The following SGCD variants were observed in gnomAD, a reference collection of about 807,000 sequenced individuals.
The protein encoded by SGCD is sarcoglycan delta, also known as delta-sarcoglycan.
Under a neutral mutation model 36.6 loss-of-function variants are expected in SGCD, and 18 were observed. That is an observed-to-expected ratio of 0.49 (90% confidence interval 0.34 to 0.73). SGCD has a LOEUF of 0.73. Among genes scored for constraint, SGCD ranks in the 30% least tolerant of loss-of-function variants. SGCD has a pLI of 0.01. For synonymous variants in SGCD, 133 were observed against 130.6 expected (o/e 1.02, Z -0.12); for missense variants, 387 against 346.7 (o/e 1.12, Z -0.92).
chr5:156,208,833 C>T (rs375058777), intron 3 of SGCD, among the ~76,000 whole-genome samples: 28 of 152,270 alleles, frequency 1.8e-4, no homozygotes, highest in Middle Eastern at 6.8e-3. Context: ...GCAGAAGCAT[C>T]ACTTTGCACA....
upstream of SGCD, among the ~76,000 whole-genome samples, chr5:156,323,082 A>G (rs1057190911): frequency 3.3e-5 from 5 of 152,200 alleles, no homozygotes; most frequent in African/African-American, 1.2e-4. Flanking sequence ...AGGCCTGAAC[A>G]TCATCGACAT....
Position 156,418,404 on chromosome 5 carries a change from A to G in SGCD, c.192+73727A>G, listed in dbSNP as rs1410051169. 2.6e-5 allele frequency among the ~76,000 whole-genome samples: 4 copies of G among 152,314 alleles called. No homozygotes were observed. In the East Asian group the frequency reaches 7.7e-4, roughly 29 times the overall value. The stretch of plus-strand genomic sequence containing the variant: ...ACTGGACATGGTCCCAGGTGGCTCC[A>G]GCAGCCACAGAGCAGGAAGTATTAC... On this transcript the variant is annotated intron_variant, in intron 3 of 8. Transcript: ENST00000337851.
At chr5:156,692,929 G>A (rs1331144372) in intron 7 of SGCD, among the ~76,000 whole-genome samples, 1 of 152,108 alleles carries the variant, frequency 6.6e-6, no homozygotes, top group African/African-American at 2.4e-5. Context: ...CAATTATTAT[G>A]CACTAACCGT....
intron 6 of SGCD, among the ~76,000 whole-genome samples, chr5:156,615,973 C>G (rs1340918736): frequency 6.6e-6 from 1 of 152,150 alleles, no homozygotes; most frequent in East Asian, 1.9e-4. Flanking sequence ...ATTCGGGTCT[C>G]ACTTGGTTGT....
chr5:155,790,687 A>G, the SGCD span, among the ~76,000 whole-genome samples: 1 of 152,114 alleles, frequency 6.6e-6, no homozygotes, highest in African/African-American at 2.4e-5. Context: ...CTCTTCCTTC[A>G]GGTCTATGCA....
intron 3 of SGCD, among the ~76,000 whole-genome samples, chr5:156,406,018 T>TAA (rs10529406): frequency 1.9e-5 from 2 of 103,980 alleles, no homozygotes; most frequent in Non-Finnish European, 3.6e-5. Context: ...TATCTTTGCT[T>TAA]AAAAAAAAAA....
chr5:156,043,167 A>G (rs551608863), intron 1 of SGCD, among the ~76,000 whole-genome samples: 1 of 152,298 alleles, frequency 6.6e-6, no homozygotes, highest in African/African-American at 2.4e-5. Flanking sequence ...TGCTGAACAT[A>G]GAGCAGATCA....
At chr5:155,761,643 TCCATCATCCTCA>T in the SGCD span, among the ~76,000 whole-genome samples, 1 of 144,450 alleles carries the variant, frequency 6.9e-6, no homozygotes, top group Non-Finnish European at 1.5e-5. Flanking sequence ...CATCATCATC[TCCATCATCCTCA>T]TCATCACTCT....
At chr5:156,265,156 A>G (rs772396669) in intron 3 of SGCD, among the ~76,000 whole-genome samples, 4 of 152,144 alleles carry the variant, frequency 2.6e-5, no homozygotes, top group Non-Finnish European at 5.9e-5. Flanking sequence ...TCTGCATTCC[A>G]GCCTCAGCCT....
At chr5:155,849,422 CCACA>C in the SGCD span, among the ~76,000 whole-genome samples, 1 of 150,806 alleles carries the variant, frequency 6.6e-6, no homozygotes, top group Admixed American at 6.6e-5. Context: ...CCACCCCCCT[CCACA>C]CACACACACA....
intron 7 of SGCD, among the ~76,000 whole-genome samples, chr5:156,726,093 T>G (rs542850022): frequency 2.6e-5 from 4 of 152,334 alleles, no homozygotes; most frequent in East Asian, 1.9e-4. Context: ...TCTAAGTAAG[T>G]GGTTATCTTC....
rs575150807 is a variant in SGCD, at chr5:156,068,467, G to T, written c.-281-49411G>T. Among the ~76,000 whole-genome samples the T allele has an allele frequency of 1.6e-3, 241 of 152,032 alleles. 1 individual carries two copies. Among genetic ancestry groups the T allele is most frequent in the African/African-American group, 5.4e-3 (223 of 41,434 alleles). On this transcript the variant is annotated intron_variant, in intron 1 of 9. Coordinates refer to the SGCD transcript ENST00000517913. ...GGACATGAACTCCTCATTTTTTATG[G>T]CTGCATAGTATTCCATGGTGTATAT...
intron 1 of SGCD, among the ~76,000 whole-genome samples, chr5:155,879,752 A>C (rs528964352): frequency 6.6e-6 from 1 of 152,308 alleles, no homozygotes; most frequent in South Asian, 2.1e-4. Context: ...AACTTTCCAA[A>C]GATTTTCATA....
intron 1 of SGCD, among the ~76,000 whole-genome samples, chr5:155,888,810 T>A (rs1232015046): frequency 6.6e-6 from 1 of 152,192 alleles, no homozygotes; most frequent in East Asian, 1.9e-4. Flanking sequence ...TTCCCGAATT[T>A]CTTCAGCGTA....
the SGCD span, among the ~76,000 whole-genome samples, chr5:155,795,327 C>A: frequency 1.3e-5 from 2 of 151,948 alleles, no homozygotes; most frequent in Non-Finnish European, 2.9e-5. Flanking sequence ...AGATTAAAAT[C>A]AATAATGCAA....
chr5:155,837,243 C>A, the SGCD span, among the ~76,000 whole-genome samples: 1 of 152,048 alleles, frequency 6.6e-6, no homozygotes, highest in South Asian at 2.1e-4. Context: ...CTGTAACTTC[C>A]GCCTCCAGGG....
At chr5:156,210,137 A>G (rs1027396270) in intron 3 of SGCD, among the ~76,000 whole-genome samples, 1 of 152,168 alleles carries the variant, frequency 6.6e-6, no homozygotes, top group African/African-American at 2.4e-5. Flanking sequence ...ACCTAAGCTC[A>G]AGGCCCAACC....
intron 1 of SGCD, among the ~76,000 whole-genome samples, chr5:156,088,877 C>G (rs1299468208): frequency 5.9e-5 from 9 of 152,220 alleles, no homozygotes; most frequent in South Asian, 2.1e-4. Context: ...TAGGGTGAAG[C>G]CACCTTTATT....
intron 1 of SGCD, among the ~76,000 whole-genome samples, chr5:156,072,113 G>C (rs963727844): frequency 6.6e-6 from 1 of 152,020 alleles, no homozygotes; most frequent in Admixed American, 6.6e-5. Flanking sequence ...TTTAATTGGA[G>C]CATTTAGTCC....
Sources: allele counts gnomAD v4.1 joint callset (sites outside exome capture counted in the v4.1 genomes callset), GRCh38; gene constraint gnomAD v4.1.1; transcripts MANE v1.5; gene names NCBI Gene and HGNC (gene_info 2026-07-23, HGNC 2026-07-21).